The following SDK1 variants were observed in gnomAD, a reference collection of about 807,000 sequenced individuals.
SDK1 encodes the protein sidekick cell adhesion molecule 1.
In SDK1, 157 loss-of-function variants were observed where a neutral mutation model predicts 245.5. The ratio of observed to expected loss-of-function variants is 0.64; its 90% CI spans 0.56 to 0.73. SDK1 has a LOEUF of 0.73. Ranked by LOEUF, SDK1 falls within the 30% of genes least tolerant of loss-of-function variation. The pLI is 0.00. For synonymous variants in SDK1, 1,647 were observed against 1,278.5 expected (o/e 1.29, Z -6.15); for missense variants, 3,583 against 3,002.3 (o/e 1.19, Z -4.52).
intron 5 of SDK1, among the ~76,000 whole-genome samples, chr7:3,928,203 C>G (rs185549957): frequency 1.3e-5 from 2 of 152,262 alleles, no homozygotes; most frequent in Admixed American, 6.5e-5. Context: ...TCTACTGTAT[C>G]CAGAACCATC....
At chr7:3,951,060 T>C in intron 6 of SDK1, 26 bp downstream of exon 6, 2 of 1,478,128 alleles carry the variant, frequency 1.4e-6, no homozygotes, top group Non-Finnish European at 1.9e-6. Flanking sequence ...CCTGTGAGAC[T>C]CCTAGTAAAT....
At chr7:4,239,525 G>A (rs549716804) in intron 42 of SDK1, among the ~76,000 whole-genome samples, 3 of 152,208 alleles carry the variant, frequency 2.0e-5, no homozygotes, top group South Asian at 4.1e-4. Context: ...CTGCTAGACC[G>A]CAGCCTGTTT....
chr7:3,916,238 A>G (rs1310073776), intron 5 of SDK1, among the ~76,000 whole-genome samples: 1 of 152,202 alleles, frequency 6.6e-6, no homozygotes, highest in African/African-American at 2.4e-5. Context: ...TACATTTTAC[A>G]TGTGAAGAAA....
At position 3,605,947 on chromosome 7, in the gene SDK1, A is replaced by G. The variant is rs568124350; in HGVS notation, c.299-13133A>G. Among the ~76,000 whole-genome samples the G allele has an allele frequency of 1.5e-3, 223 of 152,288 alleles. 1 individual carries two copies. The highest frequency in any genetic ancestry group is 5.1e-3 in the African/African-American group (211 of 41,570). On this transcript the variant is annotated intron_variant, in intron 1 of 44. Transcript: ENST00000404826. ...TAAAATTTATGATTTGGAATGATCC[A>G]ATTATCTAATTCCAGATGTTACTTT... is the stretch of plus-strand genomic sequence containing the variant.
intron 9 of SDK1, among the ~76,000 whole-genome samples, chr7:3,964,666 G>C (rs1450154460): frequency 6.6e-6 from 1 of 152,160 alleles, no homozygotes; most frequent in Non-Finnish European, 1.5e-5. Context: ...AAATGAAGTA[G>C]AATCTAGTGA....
intron 1 of SDK1, among the ~76,000 whole-genome samples, chr7:3,432,031 AC>A (rs1335624001): frequency 6.6e-6 from 1 of 151,612 alleles, no homozygotes; most frequent in African/African-American, 2.4e-5. Context: ...GACTAACATG[AC>A]TTTTTGTCTC....
intron 1 of SDK1, among the ~76,000 whole-genome samples, chr7:3,568,416 T>A (rs1779996379): frequency 6.6e-6 from 1 of 152,166 alleles, no homozygotes; most frequent in Admixed American, 6.5e-5. Flanking sequence ...TTGTGGTATA[T>A]GTATATTTTT....
At chr7:3,533,803 C>T (rs1393507829) in intron 1 of SDK1, among the ~76,000 whole-genome samples, 9 of 151,966 alleles carry the variant, frequency 5.9e-5, no homozygotes, top group Middle Eastern at 3.4e-3. Flanking sequence ...CCTTGTTTCA[C>T]GATAATTTTT....
At chr7:3,315,202 T>C (rs186320569) in intron 1 of SDK1, among the ~76,000 whole-genome samples, 7 of 152,308 alleles carry the variant, frequency 4.6e-5, no homozygotes, top group Admixed American at 1.3e-4. Context: ...TTTCTGAATA[T>C]ATTAGGTGAA....
At chr7:3,805,962 G>T (rs551985698) in intron 4 of SDK1, among the ~76,000 whole-genome samples, 71 of 151,994 alleles carry the variant, frequency 4.7e-4, no homozygotes, top group Non-Finnish European at 9.0e-4. Context: ...TCTAGTTTTC[G>T]TGCTTCTCTC....
intron 9 of SDK1, among the ~76,000 whole-genome samples, chr7:3,964,503 C>T (rs527552952): frequency 1.7e-4 from 26 of 152,152 alleles, no homozygotes; most frequent in African/African-American, 6.0e-4. Flanking sequence ...TTTTATTGAA[C>T]AATTGTAGTT....
intron 44 of SDK1, among the ~76,000 whole-genome samples, chr7:4,252,069 T>C (rs1035437936): frequency 6.6e-6 from 1 of 152,236 alleles, no homozygotes; most frequent in Non-Finnish European, 1.5e-5. Context: ...CTCTTTTTTT[T>C]ATTATACGTT....
intron 36 of SDK1, among the ~76,000 whole-genome samples, chr7:4,206,224 A>G (rs1784215802): frequency 6.6e-6 from 1 of 152,170 alleles, no homozygotes; most frequent in South Asian, 2.1e-4. Flanking sequence ...TGTGCCCACC[A>G]CAAAACAACC....
At chr7:3,597,677 G>C (rs1781110033) in intron 1 of SDK1, among the ~76,000 whole-genome samples, 1 of 152,142 alleles carries the variant, frequency 6.6e-6, no homozygotes, top group South Asian at 2.1e-4. Flanking sequence ...GTTTGGTCTG[G>C]TCTGTCGGGG....
chr7:3,509,620 GGTCT>G (rs1382307994), intron 1 of SDK1, among the ~76,000 whole-genome samples: 1 of 152,120 alleles, frequency 6.6e-6, no homozygotes, highest in Non-Finnish European at 1.5e-5. Context: ...TAGCAGAGCT[GGTCT>G]GTCTGTCTCT....
At chr7:3,474,646 A>C (rs1781296761) in intron 1 of SDK1, among the ~76,000 whole-genome samples, 1 of 151,748 alleles carries the variant, frequency 6.6e-6, no homozygotes, top group Non-Finnish European at 1.5e-5. Flanking sequence ...TCCACCTCTA[A>C]TGTCATCATA....
chr7:4,207,615 G>T (rs1301807403), intron 36 of SDK1, among the ~76,000 whole-genome samples: 1 of 152,068 alleles, frequency 6.6e-6, no homozygotes, highest in African/African-American at 2.4e-5. Flanking sequence ...TAAAATGTGG[G>T]AACACATCGT....
chr7:4,268,401 C>A lies in SDK1; in HGVS notation c.*3017C>A. 1 of 1,116,352 alleles carries A rather than the reference C, an allele frequency of 9.0e-7. No individual in the cohort carries two copies. The highest frequency in any genetic ancestry group is 1.1e-6 in the Non-Finnish European group (1 of 902,592). 69.2% of individuals were successfully genotyped at this position (1,116,352 alleles called of 1,614,324 possible). A position where few individuals can be genotyped will look rare whatever the true frequency, so the allele number is the denominator to read the frequency against. On this transcript the variant is annotated 3_prime_UTR_variant, in exon 45 of 45. Coordinates refer to ENST00000404826, the MANE Select transcript of SDK1 (RefSeq NM_152744.4). Reference sequence around the variant, plus strand: ...CACCTTCTGGGTGAATCGGTCCAGCCCAAGCCCCTCTCCCCAGCCTCGCCT... The same window carrying A: ...CACCTTCTGGGTGAATCGGTCCAGCACAAGCCCCTCTCCCCAGCCTCGCCT...
At chr7:3,785,706 A>T (rs1180108024) in intron 4 of SDK1, among the ~76,000 whole-genome samples, 1 of 151,666 alleles carries the variant, frequency 6.6e-6, no homozygotes, top group African/African-American at 2.4e-5. Flanking sequence ...CATTTATTTA[A>T]AAAAAAATAC....
Sources: gnomAD v4.1 joint callset for allele counts (sites outside exome capture counted in the v4.1 genomes callset) on GRCh38, gnomAD v4.1.1 for gene constraint, MANE v1.5 for transcripts, NCBI Gene and HGNC (gene_info 2026-07-23, HGNC 2026-07-21) for gene names.